Variants in SLC26A7 observed in about 807,000 individuals in gnomAD.
The protein encoded by SLC26A7 is solute carrier family 26 member 7, also known as anion exchange transporter.
SLC26A7 carries 59 observed loss-of-function variants against 82.5 expected under a neutral mutation model. The observed-to-expected ratio is 0.72, with a 90% CI of 0.58 to 0.89. The LOEUF (loss-of-function observed/expected upper bound fraction) is 0.89, where lower values mean the gene tolerates loss of function less well. Ranked by LOEUF, SLC26A7 falls within the 40% of genes least tolerant of loss-of-function variation. The probability of loss-of-function intolerance (pLI) is 0.00; values close to 1 mark genes in which losing one functional copy is unlikely to be tolerated. For synonymous variants in SLC26A7, 271 were observed against 274.3 expected (o/e 0.99, Z 0.12); for missense variants, 820 against 793.0 (o/e 1.03, Z -0.41).
chr8:91,363,641 T>C (rs1391928810), intron 13 of SLC26A7, 103 bp downstream of exon 13: 2 of 630,132 alleles, frequency 3.2e-6, no homozygotes, highest in Non-Finnish European at 5.2e-6. Context: ...TAGTTAAAAA[T>C]ATAACTTTTT....
At chr8:91,322,645 G>A (rs1563678843) in intron 5 of SLC26A7, among the ~76,000 whole-genome samples, 3 of 152,176 alleles carry the variant, frequency 2.0e-5, no homozygotes, top group Admixed American at 6.6e-5. Flanking sequence ...CTTTGAGATG[G>A]TGCCAGTGTC....
chr8:91,298,479 A>G (rs1157525267), intron 4 of SLC26A7, among the ~76,000 whole-genome samples: 4 of 152,028 alleles, frequency 2.6e-5, no homozygotes, highest in African/African-American at 9.7e-5. Flanking sequence ...TTTGTTTTCT[A>G]TGTAAGACAT....
At chr8:91,383,445 A>G (rs1287244490) in intron 15 of SLC26A7, among the ~76,000 whole-genome samples, 1 of 152,148 alleles carries the variant, frequency 6.6e-6, no homozygotes, top group African/African-American at 2.4e-5. Flanking sequence ...AAGGAAGAAA[A>G]GACATAAACT....
chr8:91,258,607 T>C (rs1037212513), intron 2 of SLC26A7, among the ~76,000 whole-genome samples: 5 of 152,144 alleles, frequency 3.3e-5, no homozygotes, highest in African/African-American at 1.2e-4. Context: ...AAGTGTGCCA[T>C]AAACTGTGCT....
intron 5 of SLC26A7, among the ~76,000 whole-genome samples, chr8:91,323,921 G>T (rs1408965880): frequency 1.3e-5 from 2 of 149,924 alleles, no homozygotes; most frequent in African/African-American, 2.5e-5. Flanking sequence ...CGGGTTCAAT[G>T]GTTCAAGCAA....
chr8:91,251,488 A>C (rs1346521126), intron 2 of SLC26A7, among the ~76,000 whole-genome samples: 2 of 152,098 alleles, frequency 1.3e-5, no homozygotes, highest in Non-Finnish European at 2.9e-5. Context: ...ATTTAAGACT[A>C]ATTATTTTTA....
At chr8:91,299,424 T>A (rs2130782094) in intron 4 of SLC26A7, among the ~76,000 whole-genome samples, 1 of 152,248 alleles carries the variant, frequency 6.6e-6, no homozygotes, top group East Asian at 1.9e-4. Flanking sequence ...TGATTTATTT[T>A]TTTTCTTTTT....
At chr8:91,218,550 A>G (rs1030885682) in intron 1 of SLC26A7, among the ~76,000 whole-genome samples, 3 of 152,184 alleles carry the variant, frequency 2.0e-5, no homozygotes, top group African/African-American at 7.2e-5. Context: ...TGATTGATCA[A>G]TTTAATACCC....
intron 2 of SLC26A7, 54 bp from the exon 3 acceptor site, chr8:91,289,082 A>G (rs1563661832): frequency 3.5e-6 from 4 of 1,129,562 alleles, no homozygotes; most frequent in Non-Finnish European, 5.4e-6. Flanking sequence ...TTTGTGTAAC[A>G]GACTGTGTCT....
chr8:91,304,056 T>C (rs1323068279), intron 4 of SLC26A7, among the ~76,000 whole-genome samples: 1 of 152,238 alleles, frequency 6.6e-6, no homozygotes, highest in African/African-American at 2.4e-5. Flanking sequence ...ACTTTCCTTA[T>C]GTACAAAAAT....
intron 2 of SLC26A7, among the ~76,000 whole-genome samples, chr8:91,270,011 T>C (rs1811225476): frequency 6.6e-6 from 1 of 152,154 alleles, no homozygotes; most frequent in South Asian, 2.1e-4. Context: ...TTATACTTTT[T>C]TGTGATTTTT....
rs181244844 is a variant in SLC26A7, at chr8:91,296,580, G to A, written c.477+877G>A. Among the ~76,000 whole-genome samples, 267 of 152,272 alleles carry A rather than the reference G, an allele frequency of 1.8e-3. 1 individual carries two copies. The highest frequency in any genetic ancestry group is 9.8e-4 in the Non-Finnish European group (67 of 68,022). On this transcript the variant is annotated intron_variant, in intron 4 of 18. Transcript: ENST00000276609. Reference sequence around the variant, plus strand: ...AAACATGTGACCTAAAAGAAAGGAAGCATTAAAATTCTTAGAGTTACATTG... The same window carrying A: ...AAACATGTGACCTAAAAGAAAGGAAACATTAAAATTCTTAGAGTTACATTG...
intron 15 of SLC26A7, among the ~76,000 whole-genome samples, chr8:91,376,274 T>C (rs904850007): frequency 1.3e-5 from 2 of 152,240 alleles, no homozygotes; most frequent in African/African-American, 4.8e-5. Context: ...CTTGATCCTT[T>C]GGAGGTGTCA....
chr8:91,229,847 C>T (rs540441801), intron 2 of SLC26A7, among the ~76,000 whole-genome samples: 9 of 152,084 alleles, frequency 5.9e-5, no homozygotes, highest in Middle Eastern at 3.2e-3. Context: ...AATGGATACC[C>T]GTTTATATAG....
In SLC26A7 at chr8:91,397,383, C is replaced by G. The variant is rs949197051; in HGVS notation, c.*2286C>G. On this transcript the variant is annotated 3_prime_UTR_variant, in exon 19 of 19. Transcript: ENST00000276609. Reference sequence around the variant, plus strand: ...GACAACACAAAAACTGTGTAGTGGTCTTGATGCTGGATTGTTTCTAGAGTC... The same window carrying G: ...GACAACACAAAAACTGTGTAGTGGTGTTGATGCTGGATTGTTTCTAGAGTC... The G allele has an allele frequency of 3.3e-5, 5 of 152,448 alleles. No individual in the cohort carries two copies. Among genetic ancestry groups the G allele is most frequent in the Non-Finnish European group, 7.4e-5 (5 of 67,940 alleles). The allele number at this position is 152,448 out of a possible 1,614,324, so 9.4% of individuals were successfully genotyped here. A position where few individuals can be genotyped will look rare whatever the true frequency, so the allele number is the denominator to read the frequency against.
At chr8:91,346,715 C>T (rs749418533) in intron 9 of SLC26A7, among the ~76,000 whole-genome samples, 10 of 152,266 alleles carry the variant, frequency 6.6e-5, no homozygotes, top group African/African-American at 1.9e-4. Flanking sequence ...AAAGGCTTTG[C>T]GTGGGTCTTA....
At position 91,397,108 on chromosome 8, in the gene SLC26A7, A is replaced by G. The variant is rs1167986620; in HGVS notation, c.*2011A>G. The G allele has an allele frequency of 1.3e-5, 2 of 152,090 alleles. No homozygotes were observed. The highest frequency in any genetic ancestry group is 2.4e-5 in the African/African-American group (1 of 41,438). 9.4% of individuals were successfully genotyped at this position (152,090 alleles called of 1,614,324 possible). A position where few individuals can be genotyped will look rare whatever the true frequency, so the allele number is the denominator to read the frequency against. On this transcript the variant is annotated 3_prime_UTR_variant, in exon 19 of 19. Coordinates refer to ENST00000276609, the MANE Select transcript of SLC26A7 (RefSeq NM_052832.4). ...TTTAATGCATTTCAGTGTTTATAGT[A>G]GAAGTTTAGTGGATAAAACTTTAAG... is the stretch of plus-strand genomic sequence containing the variant.
At chr8:91,245,332 C>T (rs1483589670), upstream of SLC26A7, among the ~76,000 whole-genome samples, 8 of 151,966 alleles carry the variant, frequency 5.3e-5, no homozygotes, top group Non-Finnish European at 1.2e-4. Flanking sequence ...TTTTAGAAAT[C>T]GGAAGAATTA....
intron 9 of SLC26A7, chr8:91,344,308 G>A (rs1813501723): frequency 3.4e-6 from 2 of 581,518 alleles, no homozygotes; most frequent in Admixed American, 6.4e-5. Flanking sequence ...AGCCGGGATT[G>A]GAACCCAGAT....
Sources: allele counts gnomAD v4.1 joint callset (sites outside exome capture counted in the v4.1 genomes callset), GRCh38; gene constraint gnomAD v4.1.1; transcripts MANE v1.5; gene names NCBI Gene and HGNC (gene_info 2026-07-23, HGNC 2026-07-21).